Variants in ULK4 observed in about 807,000 individuals in gnomAD.
ULK4 encodes inactive serine/threonine-protein kinase ULK4.
Under a neutral mutation model 160.6 loss-of-function variants are expected in ULK4, and 133 were observed. The observed-to-expected ratio is 0.83, with a 90% CI of 0.72 to 0.96. The LOEUF is 0.96. ULK4 is among the 40% of genes least tolerant of loss of function. The probability of loss-of-function intolerance (pLI) is 0.00; values close to 1 mark genes in which losing one functional copy is unlikely to be tolerated. For synonymous variants in ULK4, 534 were observed against 539.8 expected (o/e 0.99, Z 0.15); for missense variants, 1,580 against 1,499.5 (o/e 1.05, Z -0.89).
At position 41,931,666 on chromosome 3, in the gene ULK4, T is replaced by G. The variant is rs1344752342; in HGVS notation, c.541+178A>C. ...CAGGCCTTACAGAGTAGATCCACAT[T>G]GAATACTTTAGGCCATGGACAAAGC... On this transcript the variant is annotated intron_variant, in intron 5 of 36. Transcript: ENST00000301831. 1.3e-5 allele frequency: 9 copies of G among 705,330 alleles called. No individual in the cohort carries two copies. The East Asian group carries it at 1.3e-4, about 10-fold the overall frequency. 43.7% of individuals were successfully genotyped at this position (705,330 alleles called of 1,614,324 possible). A position where few individuals can be genotyped will look rare whatever the true frequency, so the allele number is the denominator to read the frequency against.
At chr3:41,417,471 T>C (rs1013505825) in intron 34 of ULK4, among the ~76,000 whole-genome samples, 4 of 152,076 alleles carry the variant, frequency 2.6e-5, no homozygotes. Flanking sequence ...TGACCAGGTA[T>C]GAAGAGCTCA....
At chr3:41,786,084 C>T (rs1445748004) in intron 21 of ULK4, among the ~76,000 whole-genome samples, 1 of 152,190 alleles carries the variant, frequency 6.6e-6, no homozygotes, top group African/African-American at 2.4e-5. Context: ...GGCTCCACTC[C>T]ACCTGCACAC....
intron 22 of ULK4, among the ~76,000 whole-genome samples, chr3:41,726,182 A>C (rs762667806): frequency 2.0e-5 from 3 of 152,320 alleles, no homozygotes; most frequent in South Asian, 2.1e-4. Context: ...AAGGCAAAAA[A>C]CTATTCAAAT....
intron 35 of ULK4, among the ~76,000 whole-genome samples, chr3:41,287,545 G>A (rs1046976661): frequency 6.6e-6 from 1 of 152,192 alleles, no homozygotes; most frequent in African/African-American, 2.4e-5. Flanking sequence ...AAATTTGGTC[G>A]TGTAACTTTG....
intron 25 of ULK4, among the ~76,000 whole-genome samples, chr3:41,708,855 C>T (rs913813171): frequency 1.3e-5 from 2 of 152,114 alleles, no homozygotes; most frequent in African/African-American, 4.8e-5. Context: ...TAAATGTATA[C>T]AATTCTTATT....
At chr3:41,297,443 A>AATGATG (rs2079692515) in intron 35 of ULK4, among the ~76,000 whole-genome samples, 1 of 152,232 alleles carries the variant, frequency 6.6e-6, no homozygotes, top group Non-Finnish European at 1.5e-5. Flanking sequence ...CAGGGGCCGA[A>AATGATG]CTGATGCTGA....
intron 30 of ULK4, among the ~76,000 whole-genome samples, chr3:41,663,301 T>C (rs1015517746): frequency 1.3e-5 from 2 of 152,180 alleles, no homozygotes; most frequent in Non-Finnish European, 2.9e-5. Flanking sequence ...TTTAATAAAC[T>C]GCTCAGTACA....
At chr3:41,886,135 T>A (rs1328380724) in intron 16 of ULK4, among the ~76,000 whole-genome samples, 1 of 152,118 alleles carries the variant, frequency 6.6e-6, no homozygotes, top group African/African-American at 2.4e-5. Context: ...AAGGAGATAA[T>A]CCATGTGCAG....
chr3:41,636,819 C>T (rs1323609595), intron 30 of ULK4, among the ~76,000 whole-genome samples: 2 of 148,768 alleles, frequency 1.3e-5, no homozygotes, highest in Non-Finnish European at 3.0e-5. Context: ...AATGGGCATT[C>T]TTGTATATAA....
chr3:41,793,011 A>G (rs1218671714), intron 20 of ULK4, among the ~76,000 whole-genome samples: 1 of 152,168 alleles, frequency 6.6e-6, no homozygotes, highest in Non-Finnish European at 1.5e-5. Flanking sequence ...CATCTCTACT[A>G]AAAATACAAA....
At chr3:41,378,137 C>T (rs1358521634) in intron 35 of ULK4, among the ~76,000 whole-genome samples, 1 of 149,182 alleles carries the variant, frequency 6.7e-6, no homozygotes, top group African/African-American at 2.5e-5. Flanking sequence ...AAAAACCAAA[C>T]ACCACATATT....
At chr3:41,459,450 C>A (rs2083633630) in intron 33 of ULK4, among the ~76,000 whole-genome samples, 1 of 152,258 alleles carries the variant, frequency 6.6e-6, no homozygotes, top group East Asian at 1.9e-4. Flanking sequence ...CAATTCAATT[C>A]AACACTTACT....
intron 18 of ULK4, among the ~76,000 whole-genome samples, chr3:41,825,306 G>A (rs2041306198): frequency 6.6e-6 from 1 of 152,238 alleles, no homozygotes. Flanking sequence ...AACAAAGCTG[G>A]ATGGAGAATG....
chr3:41,882,358 G>C lies in ULK4; in HGVS notation c.1656+1516C>G. The C allele has an allele frequency of 4.3e-6, 3 of 691,398 alleles. No homozygotes were observed. In the South Asian group the frequency reaches 4.5e-5, roughly 10 times the overall value. 42.8% of individuals were successfully genotyped at this position (691,398 alleles called of 1,614,324 possible). A position where few individuals can be genotyped will look rare whatever the true frequency, so the allele number is the denominator to read the frequency against. The stretch of plus-strand genomic sequence containing the variant: ...GTGAAAAAGATAAAGTAGAACAATG[G>C]GGTTTGGAAATTACAGGGTGGTCGT... On this transcript the variant is annotated intron_variant, in intron 17 of 36. Coordinates refer to ENST00000301831, the MANE Select transcript of ULK4 (RefSeq NM_017886.4).
At chr3:41,432,043 G>T (rs1162039532) in intron 34 of ULK4, among the ~76,000 whole-genome samples, 2 of 151,724 alleles carry the variant, frequency 1.3e-5, no homozygotes, top group Non-Finnish European at 2.9e-5. Context: ...CACCCACCTC[G>T]GCCTCCCAAA....
rs1188662236 is a variant in ULK4, at chr3:41,304,264, G to T, written c.3679-54690C>A. Among the ~76,000 whole-genome samples the T allele has an allele frequency of 4.9e-5, 3 of 61,496 alleles. No homozygotes were observed. In the African/African-American group the frequency reaches 5.0e-4, roughly 10 times the overall value. 40.3% of individuals were successfully genotyped at this position (61,496 alleles called of 152,430 possible). On this transcript the variant is annotated intron_variant, in intron 35 of 36. Coordinates refer to ENST00000301831, the MANE Select transcript of ULK4 (RefSeq NM_017886.4). Reference sequence around the variant, plus strand: ...CTCCAGCCTGGACAATAAGAGCAAAGCTCCCCCTCAAAAAAAAAAAAAAAA... The same window carrying T: ...CTCCAGCCTGGACAATAAGAGCAAATCTCCCCCTCAAAAAAAAAAAAAAAA...
intron 22 of ULK4, among the ~76,000 whole-genome samples, chr3:41,741,684 C>T (rs1277150561): frequency 1.3e-5 from 2 of 151,882 alleles, no homozygotes; most frequent in South Asian, 2.1e-4. Flanking sequence ...GTTGCAGCAA[C>T]TCACATTTCC....
chr3:41,593,115 AT>A (rs1375646668), intron 31 of ULK4, among the ~76,000 whole-genome samples: 1 of 152,148 alleles, frequency 6.6e-6, no homozygotes, highest in Non-Finnish European at 1.5e-5. Flanking sequence ...GTATTATCAT[AT>A]TTTGTTTCTT....
At chr3:41,706,894 T>TAGAGAG (rs1317838709) in intron 25 of ULK4, among the ~76,000 whole-genome samples, 3 of 130,134 alleles carry the variant, frequency 2.3e-5, no homozygotes, top group African/African-American at 1.2e-4. Context: ...TGTGTGTATA[T>TAGAGAG]ATATATAGAG....
Sources: gnomAD v4.1 joint callset for allele counts (sites outside exome capture counted in the v4.1 genomes callset) on GRCh38, gnomAD v4.1.1 for gene constraint, MANE v1.5 for transcripts, NCBI Gene and HGNC (gene_info 2026-07-23, HGNC 2026-07-21) for gene names.